Variants in ZNF41 observed in about 807,000 individuals in gnomAD.
ZNF41 encodes zinc finger protein 41.
A neutral mutation model predicts 9.3 loss-of-function variants in ZNF41; 6 were observed. The observed-to-expected ratio is 0.65, with a 90% CI of 0.35 to 1.28. ZNF41 has a LOEUF of 1.28. Among genes scored for constraint, ZNF41 ranks in the 50% most tolerant of loss-of-function variants. The probability of loss-of-function intolerance (pLI) is 0.03; values close to 1 mark genes in which losing one functional copy is unlikely to be tolerated. For synonymous variants in ZNF41, 192 were observed against 207.1 expected, an observed-to-expected ratio of 0.93 and a Z score of 0.63; for missense variants, 523 against 585.8, an observed-to-expected ratio of 0.89 and a Z score of 1.11.
At position 47,478,886 on chromosome X, in the gene ZNF41, A is replaced by G. The variant is rs1018757896; in HGVS notation, c.-280+4209T>C. On this transcript the variant is annotated intron_variant, in intron 1 of 4. Coordinates refer to ENST00000684689, the MANE Select transcript of ZNF41 (RefSeq NM_001324144.2). ...GAGGCGGCAGCTGCAGTGAACTGAG[A>G]TCCGGCCACTGCACTCCAGCCTGGG... 4.5e-5 allele frequency among the ~76,000 whole-genome samples: 5 copies of G among 110,781 alleles called. No individual in the cohort carries two copies. The South Asian group carries it at 1.9e-3, about 43-fold the overall frequency.
rs150826635 is a variant in ZNF41, at chrX:47,477,775, C to T, written c.-280+5320G>A. Among the ~76,000 whole-genome samples the T allele has an allele frequency of 6.0e-4, 67 of 112,148 alleles. No homozygotes were observed. The East Asian group carries it at 0.013, about 22-fold the overall frequency. On this transcript the variant is annotated intron_variant, in intron 1 of 4. Coordinates refer to ENST00000684689, the MANE Select transcript of ZNF41 (RefSeq NM_001324144.2). ...TGTCAATTTAACTTTCAGGCCCAGA[C>T]AAAAAGAAATCCTAAAAGGGAAGAG...
chrX:47,448,542 G>A lies in ZNF41; in HGVS notation c.1228C>T (p.His410Tyr). ...TTCCCACATTCATTGCATTCATAGT[G>A]TTTCTCTCCGGTATGAGTTTTCTGA... ...IHQKTHTGEKHYECNECGKAF... is the reference protein window; with the variant it reads ...IHQKTHTGEKYYECNECGKAF... The change falls in exon 5 of 5, where the codon CAC (histidine) becomes TAC (tyrosine). Residue 410 changes from histidine (H) to tyrosine (Y), a missense_variant. By Grantham distance (83) the His-to-Tyr change is moderately conservative. Coordinates refer to ENST00000684689, the MANE Select transcript of ZNF41 (RefSeq NM_001324144.2). The A allele has an allele frequency of 8.3e-7, 1 of 1,211,707 alleles. No homozygotes were observed. Among genetic ancestry groups the A allele is most frequent in the East Asian group, 3.0e-5 (1 of 33,852 alleles).
chrX:47,461,777 G>A (rs1456341033), intron 2 of ZNF41, among the ~76,000 whole-genome samples: 4 of 111,731 alleles, frequency 3.6e-5, no homozygotes, highest in Non-Finnish European at 5.6e-5. Flanking sequence ...GTGCAATCAC[G>A]GCTCACTGCA....
intron 2 of ZNF41, among the ~76,000 whole-genome samples, chrX:47,467,079 G>C (rs756782548): frequency 1.5e-4 from 17 of 111,694 alleles, no homozygotes; most frequent in Non-Finnish European, 2.6e-4. Context: ...ATGGATAGTG[G>C]CTGCTTCTAC....
intron 2 of ZNF41, among the ~76,000 whole-genome samples, chrX:47,457,081 G>T (rs1569283548): frequency 1.8e-5 from 2 of 111,802 alleles, no homozygotes; most frequent in African/African-American, 3.2e-5. Context: ...TGCAGGAAAA[G>T]ACATGATGGT....
rs1057515903 is a variant in ZNF41 at position 47,449,422 on chromosome X, G to A, written c.348C>T (p.Phe116=). The change falls in exon 5 of 5, where the codon TTC becomes TTT. Residue 116 remains phenylalanine (F), a synonymous_variant. Coordinates refer to ENST00000684689, the MANE Select transcript of ZNF41 (RefSeq NM_001324144.2). ...QQQGIPGGIF[F]HCERFDQPIG... Reference sequence around the variant, plus strand: ...TGGGTTGATCAAATCTCTCACAGTGGAAGAAAATTCCTCCAGGAATTCCCT... The same window carrying A: ...TGGGTTGATCAAATCTCTCACAGTGAAAGAAAATTCCTCCAGGAATTCCCT... The A allele has an allele frequency of 1.6e-5, 19 of 1,207,526 alleles. No individual in the cohort carries two copies. Among genetic ancestry groups the A allele is most frequent in the East Asian group, 3.0e-5 (1 of 33,696 alleles).
intron 1 of ZNF41, among the ~76,000 whole-genome samples, chrX:47,470,412 A>AAAC: frequency 5.2e-5 from 2 of 38,691 alleles, no homozygotes; most frequent in Non-Finnish European, 9.2e-5. Flanking sequence ...ACTCCGTCTC[A>AAAC]AAAAAAAAAA....
At chrX:47,467,219 C>A in intron 2 of ZNF41, 191 bp downstream of exon 2, 1 of 938,258 alleles carries the variant, frequency 1.1e-6, no homozygotes, top group Non-Finnish European at 1.5e-6. Flanking sequence ...ACACACGGGG[C>A]TTTGGATGTG....
intron 1 of ZNF41, among the ~76,000 whole-genome samples, chrX:47,476,070 G>T (rs1454667199): frequency 3.6e-5 from 4 of 111,469 alleles, no homozygotes; most frequent in Non-Finnish European, 7.6e-5. Context: ...CACAGAGGCT[G>T]GGCTGGGCAC....
Position 47,448,717 on chromosome X carries a change from C to T in ZNF41, c.1053G>A (p.Gly351=). Residue 351 remains glycine (G), a synonymous_variant, in exon 5 of 5, where the codon GGG becomes GGA. Transcript: ENST00000684689. The stretch of plus-strand genomic sequence containing the variant: ...ATTCACTGCATTTGTAGGGTTTCTG[C>T]CCGGTATGAATTTTTTGATGTGTAA... ...NLITHQKIHT[G]QKPYKCSECG... The T allele has an allele frequency of 8.3e-7, 1 of 1,211,326 alleles. No homozygotes were observed. The highest frequency in any genetic ancestry group is 1.7e-5 in the African/African-American group (1 of 57,674).
intron 2 of ZNF41, among the ~76,000 whole-genome samples, chrX:47,457,164 C>T (rs2056595607): frequency 8.9e-6 from 1 of 112,031 alleles, no homozygotes; most frequent in Non-Finnish European, 1.9e-5. Flanking sequence ...AATCTCAGCC[C>T]TTTGGGAGGC....
In ZNF41 at chrX:47,467,449, G is replaced by T. The variant is rs1416515029; in HGVS notation, c.33C>A (p.Ser11=). The stretch of plus-strand genomic sequence containing the variant: ...CACGTCCCTCTGCAGCCAGGGCCGG[G>T]GACCATGGGGGAGAGTCCCCATTAG... MAANGDSPPW[S]PALAAEGRGS... Residue 11 remains serine (S), a synonymous_variant, in exon 2 of 5, where the codon TCC becomes TCA. Transcript: ENST00000684689. The T allele has an allele frequency of 8.4e-7, 1 of 1,189,035 alleles. No individual in the cohort carries two copies. The highest frequency in any genetic ancestry group is 2.3e-5 in the Admixed American group (1 of 42,636).
intron 2 of ZNF41, among the ~76,000 whole-genome samples, chrX:47,467,152 C>A (rs1021426262): frequency 8.9e-6 from 1 of 111,913 alleles, no homozygotes; most frequent in South Asian, 3.7e-4. Flanking sequence ...GTAGGGCTCA[C>A]CTTCCACATT....
rs980881129 is a variant in ZNF41 at position 47,483,196 on chromosome X, G to C, written c.-381C>G. On this transcript the variant is annotated 5_prime_UTR_variant, in exon 1 of 5. Transcript: ENST00000684689. ...CGAACCTGTGCAGTTGCCGCGGGGG[G>C]AGTCGTGCGTGTCAGATTTAGGCCA... Among the ~76,000 whole-genome samples the C allele has an allele frequency of 9.8e-5, 11 of 111,983 alleles. No homozygotes were observed. The highest frequency in any genetic ancestry group is 3.2e-4 in the African/African-American group (10 of 30,801).
In ZNF41 at chrX:47,447,787, C is replaced by T; in HGVS notation, c.1983G>A (p.Lys661=). The part of the protein sequence containing the change: ...RVHQKIHTGE[K]PNICAECGKA... ...TTCCACATTCAGCACATATATTGGG[C>T]TTCTCACCTGTGTGGATTTTCTGAT... The change falls in exon 5 of 5, where the codon AAG becomes AAA. Residue 661 remains lysine, a synonymous_variant. Coordinates refer to ENST00000684689, the MANE Select transcript of ZNF41 (RefSeq NM_001324144.2). 8.3e-7 allele frequency: 1 copy of T among 1,210,451 alleles called. No individual in the cohort carries two copies. Among genetic ancestry groups the T allele is most frequent in the Non-Finnish European group, 1.1e-6 (1 of 895,088 alleles).
intron 2 of ZNF41, among the ~76,000 whole-genome samples, chrX:47,462,913 T>C (rs1212562256): frequency 1.3e-4 from 12 of 94,580 alleles, no homozygotes; most frequent in Admixed American, 7.4e-4. Context: ...TTTGTATGTA[T>C]ATATATATAT....
At chrX:47,456,250 T>C (rs1010961409) in intron 3 of ZNF41, 22 bp downstream of exon 3, 2 of 1,209,120 alleles carry the variant, frequency 1.7e-6, no homozygotes, top group African/African-American at 3.5e-5. Context: ...CATTAGCAGA[T>C]GCATAGGGCG....
chrX:47,446,230 T>A lies in ZNF41; in HGVS notation c.*1200A>T, dbSNP rs759526990. 3 of 111,883 alleles carry A rather than the reference T, an allele frequency of 2.7e-5. No homozygotes were observed. Among genetic ancestry groups the A allele is most frequent in the African/African-American group, 9.7e-5 (3 of 30,877 alleles). The allele number at this position is 111,883 out of a possible 1,213,427, so 9.2% of individuals were successfully genotyped here. A position where few individuals can be genotyped will look rare whatever the true frequency, so the allele number is the denominator to read the frequency against. ...TTAAGGGAAAATGAGAACGTGTCTA[T>A]ATATCAGTGTTAAAAAAGAGCAGTG... On this transcript the variant is annotated 3_prime_UTR_variant, in exon 5 of 5. Coordinates refer to ENST00000684689, the MANE Select transcript of ZNF41 (RefSeq NM_001324144.2).
At chrX:47,467,187 C>G in intron 2 of ZNF41, 1 of 726,091 alleles carries the variant, frequency 1.4e-6, no homozygotes, top group Admixed American at 3.2e-5. Context: ...GTGTAATCAG[C>G]CACATTACAC....
Sources: allele counts gnomAD v4.1 joint callset (sites outside exome capture counted in the v4.1 genomes callset), GRCh38; gene constraint gnomAD v4.1.1; transcripts MANE v1.5; gene names NCBI Gene and HGNC (gene_info 2026-07-23, HGNC 2026-07-21).